FAM81A: variants seen among roughly 807,000 people sequenced by gnomAD.
FAM81A encodes family with sequence similarity 81 member A.
In FAM81A, 19 loss-of-function variants were observed where a neutral mutation model predicts 46.7. The ratio of observed to expected loss-of-function variants is 0.41; its 90% CI spans 0.28 to 0.60. FAM81A has a LOEUF of 0.60. FAM81A is among the 20% of genes least tolerant of loss of function. The probability of loss-of-function intolerance (pLI) is 0.34; values close to 1 mark genes in which losing one functional copy is unlikely to be tolerated. For missense variants in FAM81A, 377 were observed against 453.5 expected (o/e 0.83, Z 1.53); for synonymous variants, 183 against 152.9 (o/e 1.20, Z -1.45).
chr15:59,406,994 T>G (rs1486054746), intron 2 of FAM81A: 1 of 167,024 alleles, frequency 6.0e-6, no homozygotes, highest in African/African-American at 2.4e-5. Context: ...TCTTTAGCCT[T>G]GGCTTTTCCA....
intron 3 of FAM81A, among the ~76,000 whole-genome samples, chr15:59,466,320 C>G (rs1311882823): frequency 6.6e-6 from 1 of 152,220 alleles, no homozygotes; most frequent in Non-Finnish European, 1.5e-5. Flanking sequence ...ACACTCCCAC[C>G]AACAGTGTAA....
At chr15:59,471,637 A>ATT (rs34636106) in intron 3 of FAM81A, among the ~76,000 whole-genome samples, 305 of 146,590 alleles carry the variant, frequency 2.1e-3, no homozygotes, top group South Asian at 4.6e-3. Context: ...AATTTTTCTT[A>ATT]TTTTTTTTTT....
At chr15:59,501,802 T>G (rs775879082) in intron 4 of FAM81A, among the ~76,000 whole-genome samples, 10 of 152,200 alleles carry the variant, frequency 6.6e-5, no homozygotes, top group Admixed American at 1.3e-4. Flanking sequence ...TTGTTCATCA[T>G]GATGTAAAGC....
chr15:59,521,606 A>T lies in FAM81A; in HGVS notation c.*228A>T, dbSNP rs139511921. The stretch of plus-strand genomic sequence containing the variant: ...AGTTTATTTCACTTCTCTAAATTCA[A>T]TGGAAATCCCCCGCCCTGGATTTTG... On this transcript the variant is annotated 3_prime_UTR_variant, in exon 9 of 9. Transcript: ENST00000288228. 129 of 400,948 alleles carry T rather than the reference A, an allele frequency of 3.2e-4. No individual in the cohort carries two copies. The highest frequency in any genetic ancestry group is 4.2e-4 in the Non-Finnish European group (99 of 238,392). The allele number at this position is 400,948 out of a possible 1,614,324, so 24.8% of individuals were successfully genotyped here. A position where few individuals can be genotyped will look rare whatever the true frequency, so the allele number is the denominator to read the frequency against.
chr15:59,407,798 TC>T, intron 2 of FAM81A: 1 of 246,848 alleles, frequency 4.1e-6, no homozygotes, highest in Non-Finnish European at 7.7e-6. Context: ...TTCTTCTCAG[TC>T]CAGGCCAGCA....
At chr15:59,489,400 T>A (rs2081959099) in intron 3 of FAM81A, among the ~76,000 whole-genome samples, 1 of 151,998 alleles carries the variant, frequency 6.6e-6, no homozygotes, top group African/African-American at 2.4e-5. Context: ...ATGTGAGAAA[T>A]TGGAGAAGAC....
At chr15:59,482,125 T>C (rs2081860462) in intron 3 of FAM81A, among the ~76,000 whole-genome samples, 1 of 152,206 alleles carries the variant, frequency 6.6e-6, no homozygotes, top group Non-Finnish European at 1.5e-5. Context: ...TTTGCTTTAC[T>C]AGAAAGGTTG....
intron 1 of FAM81A, among the ~76,000 whole-genome samples, chr15:59,442,608 C>T (rs1405790260): frequency 4.1e-5 from 5 of 122,668 alleles, no homozygotes; most frequent in African/African-American, 1.6e-4. Flanking sequence ...CAGAGCGAGA[C>T]TCCGTCTCTC....
rs1053363815 is a variant in FAM81A, at chr15:59,401,106, A to G, written c.-160-1170A>G. The stretch of plus-strand genomic sequence containing the variant: ...CATTTTAATGTTTGCAATTTAATAA[A>G]TCTCTTGATGATTGCAGACATGTAT... On this transcript the variant is annotated intron_variant, in intron 1 of 4. Coordinates refer to the FAM81A transcript ENST00000558348. 2.7e-5 allele frequency: 16 copies of G among 599,266 alleles called. No homozygotes were observed. In the East Asian group the frequency reaches 4.3e-4, roughly 16 times the overall value. 37.1% of individuals were successfully genotyped at this position (599,266 alleles called of 1,614,324 possible).
intron 2 of FAM81A, chr15:59,409,096 A>G (rs2081109145): frequency 6.6e-6 from 1 of 152,204 alleles, no homozygotes; most frequent in African/African-American, 2.4e-5. Context: ...ATCTCTATCC[A>G]GTCGGATAGC....
intron 2 of FAM81A, among the ~76,000 whole-genome samples, chr15:59,402,717 G>T (rs1166844817): frequency 6.7e-6 from 1 of 150,340 alleles, no homozygotes; most frequent in East Asian, 2.0e-4. Context: ...TTTTTTTGGG[G>T]GGTGGGGGGG....
At chr15:59,516,027 G>A (rs2082262497) in intron 7 of FAM81A, among the ~76,000 whole-genome samples, 1 of 152,126 alleles carries the variant, frequency 6.6e-6, no homozygotes, top group African/African-American at 2.4e-5. Flanking sequence ...TCCAGAAAGG[G>A]AAGGACGAAG....
chr15:59,479,238 G>A (rs1188116005), intron 3 of FAM81A, among the ~76,000 whole-genome samples: 3 of 152,132 alleles, frequency 2.0e-5, no homozygotes, highest in South Asian at 2.1e-4. Flanking sequence ...GTGGCCGGGC[G>A]CGGTGGCTCA....
chr15:59,417,401 CAAACAAAA>C (rs1470248170), intron 2 of FAM81A, among the ~76,000 whole-genome samples: 2 of 151,858 alleles, frequency 1.3e-5, no homozygotes, highest in African/African-American at 4.8e-5. Flanking sequence ...AACAAACAAA[CAAACAAAA>C]AAACAAGCTT....
intron 6 of FAM81A, among the ~76,000 whole-genome samples, chr15:59,512,358 G>C (rs1237783948): frequency 6.7e-6 from 1 of 150,098 alleles, no homozygotes; most frequent in Non-Finnish European, 1.5e-5. Context: ...TGTAGTCCCA[G>C]CTATTCAAGA....
chr15:59,460,003 G>C lies in FAM81A; in HGVS notation c.91G>C (p.Glu31Gln). ...ACCATACTCATCTGTAAGCCTCGTG[G>C]AGCAGCTGGAAGACAGGATCCTCTG... The part of the protein sequence containing the change: ...MAPYSSVSLV[E>Q]QLEDRILCHE... The change falls in exon 3 of 9, where the codon GAG becomes CAG. Residue 31 changes from glutamate (E) to glutamine (Q), a missense_variant. Physicochemically the swap from Glu to Gln is conservative, Grantham distance 29 (BLOSUM62 2). Transcript: ENST00000288228. This position sits in a 1 kb window ranked among gnomAD's most constrained non-coding sequence, Gnocchi z 4.4. 1 of 1,613,586 alleles carries C rather than the reference G, an allele frequency of 6.2e-7. No individual in the cohort carries two copies. The highest frequency in any genetic ancestry group is 8.5e-7 in the Non-Finnish European group (1 of 1,179,736).
In FAM81A at chr15:59,458,665, C is replaced by G. The variant is rs764803986; in HGVS notation, c.20+19C>G. 9 of 1,605,580 alleles carry G rather than the reference C, an allele frequency of 5.6e-6. No homozygotes were observed. The East Asian group carries it at 1.1e-4, about 20-fold the overall frequency. Reference sequence around the variant, plus strand: ...ATCTAAGGTATACTTTTCCTTTCCACTCATCCCATGGGGGCTGCTAGTGGG... The same window carrying G: ...ATCTAAGGTATACTTTTCCTTTCCAGTCATCCCATGGGGGCTGCTAGTGGG... On this transcript the variant is annotated intron_variant, in intron 2 of 8. Transcript: ENST00000288228.
At chr15:59,399,871 T>C (rs2081062707) in intron 1 of FAM81A, among the ~76,000 whole-genome samples, 1 of 151,886 alleles carries the variant, frequency 6.6e-6, no homozygotes, top group Non-Finnish European at 1.5e-5. Context: ...TGCCATAGCC[T>C]TGTTAAGAAA....
At chr15:59,441,889 G>C (rs1163596327) in intron 1 of FAM81A, among the ~76,000 whole-genome samples, 1 of 152,122 alleles carries the variant, frequency 6.6e-6, no homozygotes, top group Non-Finnish European at 1.5e-5. Context: ...CTCTGAGCCC[G>C]CAGTAGTATT....
Sources: gnomAD v4.1 joint callset for allele counts (sites outside exome capture counted in the v4.1 genomes callset) on GRCh38, gnomAD v4.1.1 for gene constraint, Gnocchi (gnomAD v3.1) non-coding constraint, MANE v1.5 for transcripts, NCBI Gene and HGNC (gene_info 2026-07-23, HGNC 2026-07-21) for gene names.